The following MYO7B variants were observed in gnomAD, a reference collection of about 807,000 sequenced individuals.
MYO7B encodes unconventional myosin-VIIb.
Under a neutral mutation model 259.7 loss-of-function variants are expected in MYO7B, and 212 were observed. The ratio of observed to expected loss-of-function variants is 0.82; its 90% confidence interval spans 0.73 to 0.91. MYO7B has a LOEUF of 0.91. Among genes scored for constraint, MYO7B ranks in the 40% least tolerant of loss-of-function variants. The pLI, the probability that MYO7B is intolerant of heterozygous loss-of-function variation, is 0.00. For missense variants in MYO7B, 2,732 were observed against 2,813.5 expected (o/e 0.97, Z 0.66); for synonymous variants, 1,197 against 1,166.4 (o/e 1.03, Z -0.54).
chr2:127,629,359 C>T (rs1558850180), intron 34 of MYO7B, among the ~76,000 whole-genome samples: 1 of 152,222 alleles, frequency 6.6e-6, no homozygotes, highest in Non-Finnish European at 1.5e-5. Flanking sequence ...TCCCCTCCCT[C>T]ATCCCTGGCT....
chr2:127,541,099 G>A (rs1692987799), intron 1 of MYO7B, among the ~76,000 whole-genome samples: 1 of 151,812 alleles, frequency 6.6e-6, no homozygotes, highest in Non-Finnish European at 1.5e-5. Flanking sequence ...CATCTGCTGG[G>A]CTGTCTCCAC....
At position 127,636,370 on chromosome 2, in the gene MYO7B, C is replaced by T. The variant is rs200333316; in HGVS notation, c.6123+46C>T. The T allele has an allele frequency of 1.4e-5, 22 of 1,558,136 alleles. No homozygotes were observed. The highest frequency in any genetic ancestry group is 1.9e-5 in the Non-Finnish European group (21 of 1,131,486). ...GGGCCTCCTACCCAAGCAGGCTCCG[C>T]TCAGCCCAGCCCCAGCAGGCCCAGC... On this transcript the variant is annotated intron_variant, in intron 45 of 47. Transcript: ENST00000409816. The surrounding 1 kb of genome is among the most constrained non-coding windows in gnomAD (Gnocchi z 4.5).
At chr2:127,538,296 G>A (rs79010294) in intron 1 of MYO7B, among the ~76,000 whole-genome samples, 9,338 of 152,226 alleles carry the variant, frequency 0.061, 408 homozygotes, top group Non-Finnish European at 0.089. Flanking sequence ...GCTCTAGAAC[G>A]TTCCATGATG....
At position 127,628,559 on chromosome 2, in the gene MYO7B, TGGGG is replaced by T. The variant is rs59570819; in HGVS notation, c.4624+25_4624+28del. On this transcript the variant is annotated intron_variant, in intron 34 of 47. Transcript: ENST00000409816. This position sits in a 1 kb window ranked among gnomAD's most constrained non-coding sequence, Gnocchi z 4.8. ...AGGTGCCAGACTGGGTGGGGTGGGG[TGGGG>T]TGGGGTGGGGTGGGGGAGGGCCGCG... 4.7e-3 allele frequency: 207 copies of T among 43,958 alleles called. 2 individuals carry two copies. The African/African-American group carries it at 0.078, about 17-fold the overall frequency. The allele number at this position is 43,958 out of a possible 1,614,324, so 2.7% of individuals were successfully genotyped here.
Position 127,573,958 on chromosome 2 carries a change from A to T in MYO7B, c.631A>T (p.Ser211Cys), listed in dbSNP as rs1418751531. ...CAAGACAATCCGCAACGACAACTCA[A>T]GCCGCTTTGGGAAGTACATTGACAT... ...NAKTIRNDNS[S>C]RFGKYIDIYF... Residue 211 changes from serine to cysteine, a missense_variant, in exon 7 of 48, where the codon AGC (serine) becomes TGC (cysteine). Physicochemically the swap from Ser to Cys is moderately radical, Grantham distance 112 (BLOSUM62 -1). Transcript: ENST00000409816. 1 of 1,614,052 alleles carries T rather than the reference A, an allele frequency of 6.2e-7. No homozygotes were observed. The highest frequency in any genetic ancestry group is 8.5e-7 in the Non-Finnish European group (1 of 1,179,898).
intron 19 of MYO7B, among the ~76,000 whole-genome samples, chr2:127,598,167 G>A (rs1207330570): frequency 1.3e-5 from 2 of 152,154 alleles, no homozygotes; most frequent in Non-Finnish European, 2.9e-5. Flanking sequence ...TACAAGTTTT[G>A]TTTTTTAAGA....
At position 127,539,854 on chromosome 2, in the gene MYO7B, C is replaced by T. The variant is rs1692934852; in HGVS notation, c.-24+4023C>T. ...AGCTCCAGCCTTCCCCCGAAAGTCC[C>T]CAAAGTCCATTGTATCGTTCTTACG... On this transcript the variant is annotated intron_variant, in intron 1 of 47. Transcript: ENST00000409816. The surrounding 1 kb of genome is among the most constrained non-coding windows in gnomAD (Gnocchi z 4.0). Among the ~76,000 whole-genome samples the T allele has an allele frequency of 6.6e-6, 1 of 152,202 alleles. No homozygotes were observed. The highest frequency in any genetic ancestry group is 2.4e-5 in the African/African-American group (1 of 41,444).
Position 127,626,732 on chromosome 2 carries a change from T to TCG in MYO7B, c.4216-241_4216-240dup. 3 of 414,654 alleles carry TCG rather than the reference T, an allele frequency of 7.2e-6. No homozygotes were observed. The South Asian group carries it at 8.3e-5, about 11-fold the overall frequency. The allele number at this position is 414,654 out of a possible 1,614,324, so 25.7% of individuals were successfully genotyped here. ...AGGCGGAGCTTGCGGTGAGCCAAGA[T>TCG]CGCACCACTGCACTCCAGCCTGGGT... On this transcript the variant is annotated intron_variant, in intron 31 of 47. Coordinates refer to ENST00000409816, the MANE Select transcript of MYO7B (RefSeq NM_001393586.1).
At chr2:127,575,132 A>C (rs1678813547) in intron 7 of MYO7B, among the ~76,000 whole-genome samples, 1 of 152,224 alleles carries the variant, frequency 6.6e-6, no homozygotes, top group South Asian at 2.1e-4. Context: ...GGAAGGTCAC[A>C]TTTAGTGACC....
intron 6 of MYO7B, among the ~76,000 whole-genome samples, chr2:127,570,829 G>T (rs2104892274): frequency 6.6e-6 from 1 of 150,514 alleles, no homozygotes; most frequent in Middle Eastern, 3.4e-3. Context: ...GTCTTTTCCA[G>T]AACGTCATAG....
intron 14 of MYO7B, among the ~76,000 whole-genome samples, chr2:127,587,657 C>T (rs890858459): frequency 4.6e-5 from 7 of 151,242 alleles, no homozygotes; most frequent in African/African-American, 1.7e-4. Context: ...CAACCTCTGC[C>T]TCCGGGCTTC....
At position 127,605,916 on chromosome 2, in the gene MYO7B, G is replaced by A. The variant is rs186581395; in HGVS notation, c.2412G>A (p.Arg804=). 1 of 1,612,398 alleles carries A rather than the reference G, an allele frequency of 6.2e-7. No homozygotes were observed. Among genetic ancestry groups the A allele is most frequent in the East Asian group, 2.2e-5 (1 of 44,778 alleles). The change falls in exon 20 of 48, where the codon AGG becomes AGA. Residue 804 remains arginine, a synonymous_variant. Transcript: ENST00000409816. ...QAWWRGYCNR[R]NFKLILVGFE... is the part of the protein sequence containing the mutation. ...GGTGGAGAGGCTACTGCAACAGGAG[G>A]AATTTCAAGCTGGTGAGAGAGCTCT...
At chr2:127,624,370 A>G (rs773136820) in intron 30 of MYO7B, 50 bp downstream of exon 30, 2 of 1,508,110 alleles carry the variant, frequency 1.3e-6, no homozygotes, top group South Asian at 1.2e-5. Flanking sequence ...ATCAGGAAAC[A>G]TCCCATAGAG....
At chr2:127,625,571 GC>G in intron 31 of MYO7B, 36 bp downstream of exon 31, 1 of 1,543,744 alleles carries the variant, frequency 6.5e-7, no homozygotes, top group Non-Finnish European at 8.7e-7. Context: ...CCACCCGAGG[GC>G]TCTCCTTTGG....
intron 1 of MYO7B, among the ~76,000 whole-genome samples, chr2:127,555,890 T>C (rs1693615346): frequency 6.6e-6 from 1 of 152,212 alleles, no homozygotes; most frequent in African/African-American, 2.4e-5. Flanking sequence ...GGGTAGAATG[T>C]TCTGTAAATA....
intron 38 of MYO7B, 88 bp from the exon 39 acceptor site, chr2:127,632,158 C>T: frequency 6.9e-7 from 1 of 1,455,170 alleles, no homozygotes; most frequent in Non-Finnish European, 9.2e-7. Flanking sequence ...CCCCAGGCAG[C>T]TCTCACATCC....
intron 42 of MYO7B, chr2:127,634,888 G>A (rs1336123642): frequency 2.6e-5 from 17 of 644,844 alleles, no homozygotes; most frequent in South Asian, 5.6e-5. Flanking sequence ...GATGAAGGAT[G>A]CCCCAGGGCT....
rs375326672 is a variant in MYO7B, at chr2:127,568,899, C to CAA, written c.471-878_471-877dup. Among the ~76,000 whole-genome samples the CAA allele has an allele frequency of 8.9e-3, 1,165 of 130,456 alleles. 21 individuals are homozygous for CAA. Among genetic ancestry groups the CAA allele is most frequent in the African/African-American group, 0.031 (1,098 of 35,234 alleles). The allele number at this position is 130,456 out of a possible 152,430, so 85.6% of individuals were successfully genotyped here. On this transcript the variant is annotated intron_variant, in intron 5 of 47. Transcript: ENST00000409816. ...GGCCAACAACAGCAAGACTCCGTCTCAAAAAAAAAAAAAGACAGTATTTTC... is the reference window on the plus strand; with the variant it reads ...GGCCAACAACAGCAAGACTCCGTCTCAAAAAAAAAAAAAAAGACAGTATTTTC...
rs113500266 is a variant in MYO7B at position 127,582,551 on chromosome 2, G to A, written c.1343+105G>A. On this transcript the variant is annotated intron_variant, in intron 12 of 47. Coordinates refer to ENST00000409816, the MANE Select transcript of MYO7B (RefSeq NM_001393586.1). ...AGGGGAGCCGTCACCCTGCACCCAG[G>A]CCTGGCGAGTCCCACCAGATCCGTG... The A allele has an allele frequency of 3.7e-4, 504 of 1,366,834 alleles. 1 individual carries two copies. In the African/African-American group the frequency reaches 4.9e-3, roughly 13 times the overall value. The allele number at this position is 1,366,834 out of a possible 1,614,324, so 84.7% of individuals were successfully genotyped here.
Sources: gnomAD v4.1 joint callset for allele counts (sites outside exome capture counted in the v4.1 genomes callset) on GRCh38, gnomAD v4.1.1 for gene constraint, Gnocchi (gnomAD v3.1) non-coding constraint, MANE v1.5 for transcripts, NCBI Gene and HGNC (gene_info 2026-07-23, HGNC 2026-07-21) for gene names.